USP13: variants seen among roughly 807,000 people sequenced by gnomAD.
The protein encoded by USP13 is ubiquitin specific peptidase 13, also known as ubiquitin carboxyl-terminal hydrolase 13.
USP13 carries 68 observed loss-of-function variants against 107.8 expected under a neutral mutation model. The observed-to-expected ratio is 0.63, with a 90% CI of 0.52 to 0.77. USP13 has a LOEUF of 0.77. Among genes scored for constraint, USP13 ranks in the 30% least tolerant of loss-of-function variants. USP13 has a pLI of 0.00. For missense variants in USP13, 945 were observed against 1,093.3 expected (o/e 0.86, Z 1.91); for synonymous variants, 377 against 389.5 (o/e 0.97, Z 0.38).
rs1014717854 is a variant in USP13, at chr3:179,719,921, T to C, written c.806-19T>C. ...ACTTGATTACTGATTGCAGTGCTTA[T>C]TTTCTCTTCATCCGCTAGATGTTTA... On this transcript the variant is annotated intron_variant, in intron 6 of 20. Coordinates refer to ENST00000263966, the MANE Select transcript of USP13 (RefSeq NM_003940.3). 6.2e-7 allele frequency: 1 copy of C among 1,604,564 alleles called. No individual in the cohort carries two copies. The highest frequency in any genetic ancestry group is 8.5e-7 in the Non-Finnish European group (1 of 1,172,126).
intron 19 of USP13, among the ~76,000 whole-genome samples, chr3:179,766,527 G>A (rs762578569): frequency 7.2e-5 from 11 of 152,248 alleles, no homozygotes; most frequent in Middle Eastern, 6.8e-3. Flanking sequence ...TGATCATATC[G>A]TTACCCGTAC....
chr3:179,693,898 C>T (rs567821022), intron 3 of USP13, among the ~76,000 whole-genome samples: 6 of 151,300 alleles, frequency 4.0e-5, no homozygotes, highest in African/African-American at 7.3e-5. Flanking sequence ...AGGCTGGTCT[C>T]GAACTCCTGA....
intron 18 of USP13, 41 bp downstream of exon 18, chr3:179,764,209 G>C (rs1715102791): frequency 6.3e-7 from 1 of 1,575,190 alleles, no homozygotes; most frequent in South Asian, 1.2e-5. Context: ...GTGTGTGTGT[G>C]TGTGTGAATT....
intron 6 of USP13, among the ~76,000 whole-genome samples, chr3:179,718,880 C>T (rs907108701): frequency 2.7e-5 from 4 of 150,614 alleles, no homozygotes; most frequent in African/African-American, 9.8e-5. Context: ...CCTCAGCCTC[C>T]CGAGTAGCTG....
chr3:179,716,841 G>C (rs1229760973), intron 6 of USP13, among the ~76,000 whole-genome samples: 2 of 152,110 alleles, frequency 1.3e-5, no homozygotes, highest in Non-Finnish European at 1.5e-5. Context: ...TAATATTTGA[G>C]CTTACTGCAC....
At position 179,761,146 on chromosome 3, in the gene USP13, G is replaced by A; in HGVS notation, c.1983G>A (p.Leu661=). 1.2e-6 allele frequency: 2 copies of A among 1,614,184 alleles called. No homozygotes were observed. The highest frequency in any genetic ancestry group is 4.5e-5 in the East Asian group (2 of 44,874). ...TCGATGAGTCATCAGTGATGCAGCTGGCCGAGATGGGTTTCCCGCTGGAAG... is the reference window on the plus strand; with the variant it reads ...TCGATGAGTCATCAGTGATGCAGCTAGCCGAGATGGGTTTCCCGCTGGAAG... ...SDIDESSVMQ[L]AEMGFPLEAC... The change falls in exon 17 of 21, where the codon CTG becomes CTA. Residue 661 remains leucine, a synonymous_variant. Transcript: ENST00000263966.
Position 179,721,663 on chromosome 3 carries a change from G to T in USP13, c.1088+74G>T, listed in dbSNP as rs922509915. On this transcript the variant is annotated intron_variant, in intron 8 of 20. Transcript: ENST00000263966. The surrounding 1 kb of genome is among the most constrained non-coding windows in gnomAD (Gnocchi z 4.3). ...TCTAGGTCCAGTCCACTCAGTGTGC[G>T]CTGCGAAGCCCATCTTTATTGCTTC... is the stretch of plus-strand genomic sequence containing the variant. The T allele has an allele frequency of 1.3e-6, 2 of 1,495,274 alleles. No individual in the cohort carries two copies. Among genetic ancestry groups the T allele is most frequent in the Non-Finnish European group, 1.8e-6 (2 of 1,106,270 alleles). 92.6% of individuals were successfully genotyped at this position (1,495,274 alleles called of 1,614,324 possible).
chr3:179,732,016 A>G (rs957019343), intron 10 of USP13, among the ~76,000 whole-genome samples: 3 of 152,184 alleles, frequency 2.0e-5, no homozygotes, highest in Non-Finnish European at 4.4e-5. Context: ...TGGAAAGAAC[A>G]TATAGAGGCA....
At chr3:179,677,877 C>T (rs1349658716) in intron 1 of USP13, among the ~76,000 whole-genome samples, 1 of 152,042 alleles carries the variant, frequency 6.6e-6, no homozygotes, top group East Asian at 1.9e-4. Flanking sequence ...TGCTTGTTTT[C>T]CCCAATTATA....
chr3:179,716,788 T>A (rs573907658), intron 6 of USP13, among the ~76,000 whole-genome samples: 2 of 152,246 alleles, frequency 1.3e-5, no homozygotes, highest in Non-Finnish European at 2.9e-5. Context: ...TTGCTTCTGG[T>A]TCATCTCTAT....
intron 1 of USP13, among the ~76,000 whole-genome samples, chr3:179,677,917 T>C (rs559171558): frequency 6.6e-6 from 1 of 152,302 alleles, no homozygotes; most frequent in East Asian, 1.9e-4. Flanking sequence ...ATAATAATAA[T>C]TAGCCCATAA....
intron 8 of USP13, among the ~76,000 whole-genome samples, chr3:179,728,667 G>A (rs370155516): frequency 0.032 from 4,806 of 152,158 alleles, 256 homozygotes; most frequent in African/African-American, 0.11. Context: ...CCGAGATCAC[G>A]CCACTGCACT....
chr3:179,676,827 A>G (rs1049849574), intron 1 of USP13, among the ~76,000 whole-genome samples: 1 of 152,182 alleles, frequency 6.6e-6, no homozygotes, highest in Non-Finnish European at 1.5e-5. Flanking sequence ...AAAGGGGCAC[A>G]CACTACCTCT....
Position 179,673,922 on chromosome 3 carries a change from C to T in USP13, c.169-7956C>T, listed in dbSNP as rs558194246. On this transcript the variant is annotated intron_variant, in intron 1 of 20. Transcript: ENST00000263966. ...TCGTTTTTTTCTTGAGACGGAGTTT[C>T]GCTCTTGTTGCCCAGGCTGGAGTGC... is the stretch of plus-strand genomic sequence containing the variant. 2.0e-5 allele frequency among the ~76,000 whole-genome samples: 3 copies of T among 152,266 alleles called. No individual in the cohort carries two copies. In the South Asian group the frequency reaches 6.2e-4, roughly 32 times the overall value.
rs145670580 is a variant in USP13 at position 179,763,767 on chromosome 3, G to T, written c.2093-235G>T. Among the ~76,000 whole-genome samples the T allele has an allele frequency of 1.1e-3, 161 of 152,216 alleles. 1 individual carries two copies. In the East Asian group the frequency reaches 0.026, roughly 25 times the overall value. ...TGCCCTGCTAATTTTTGTATTTTTA[G>T]TAGAGACAGGATTTTGCCATGTTGG... On this transcript the variant is annotated intron_variant, in intron 17 of 20. Transcript: ENST00000263966.
intron 16 of USP13, among the ~76,000 whole-genome samples, chr3:179,757,410 C>A (rs912592476): frequency 2.0e-5 from 3 of 152,158 alleles, no homozygotes. Flanking sequence ...ACTGAGTAGA[C>A]CTCTTTGTGC....
chr3:179,741,363 GT>G (rs2108512552), intron 11 of USP13, among the ~76,000 whole-genome samples: 1 of 152,168 alleles, frequency 6.6e-6, no homozygotes, highest in East Asian at 1.9e-4. Context: ...GGCTGCAGTG[GT>G]TTCTCTTGTC....
At chr3:179,751,063 G>T (rs1714594709) in intron 13 of USP13, among the ~76,000 whole-genome samples, 1 of 152,060 alleles carries the variant, frequency 6.6e-6, no homozygotes, top group Admixed American at 6.5e-5. Context: ...TATTTTAAAA[G>T]GTATCTGTGA....
intron 13 of USP13, among the ~76,000 whole-genome samples, chr3:179,748,849 A>G (rs554332650): frequency 6.6e-6 from 1 of 152,210 alleles, no homozygotes; most frequent in Non-Finnish European, 1.5e-5. Context: ...ACCTTGGCCA[A>G]GTGATCTCAC....
Sources: gnomAD v4.1 joint callset for allele counts (sites outside exome capture counted in the v4.1 genomes callset) on GRCh38, gnomAD v4.1.1 for gene constraint, Gnocchi (gnomAD v3.1) non-coding constraint, MANE v1.5 for transcripts, NCBI Gene and HGNC (gene_info 2026-07-23, HGNC 2026-07-21) for gene names.